The following UGT1A9 variants were observed in gnomAD, a reference collection of about 807,000 sequenced individuals.
UGT1A9 encodes UDP-glucuronosyltransferase 1A9.
In UGT1A9, 35 loss-of-function variants were observed where a neutral mutation model predicts 45.0. The observed-to-expected ratio is 0.78, with a 90% CI of 0.59 to 1.03. UGT1A9 has a LOEUF of 1.03. Among genes scored for constraint, UGT1A9 ranks in the 50% least tolerant of loss-of-function variants. The probability of loss-of-function intolerance (pLI) is 0.00; values close to 1 mark genes in which losing one functional copy is unlikely to be tolerated. For missense variants in UGT1A9, 687 were observed against 666.6 expected (o/e 1.03, Z -0.34); for synonymous variants, 278 against 250.6 (o/e 1.11, Z -1.03).
intron 1 of UGT1A9, among the ~76,000 whole-genome samples, chr2:233,758,456 A>T (rs1329200911): frequency 2.0e-5 from 3 of 152,254 alleles, no homozygotes; most frequent in Non-Finnish European, 4.4e-5. Flanking sequence ...TGGAAGAATT[A>T]TCACCCTTAA....
intron 1 of UGT1A9, among the ~76,000 whole-genome samples, chr2:233,687,899 C>T (rs2125538579): frequency 6.6e-6 from 1 of 152,174 alleles, no homozygotes; most frequent in Middle Eastern, 3.4e-3. Flanking sequence ...TAGACTAAGA[C>T]CTTGTCTCAA....
At chr2:233,695,806 G>A (rs1375966013) in intron 1 of UGT1A9, among the ~76,000 whole-genome samples, 3 of 152,098 alleles carry the variant, frequency 2.0e-5, no homozygotes, top group Non-Finnish European at 4.4e-5. Context: ...CTATCTGTGA[G>A]TGGAAAACAA....
In UGT1A9 at chr2:233,754,644, T is replaced by G. The variant is rs1255750118; in HGVS notation, c.856-12390T>G. 6 of 449,562 alleles carry G rather than the reference T, an allele frequency of 1.3e-5. No individual in the cohort carries two copies. In the Admixed American group the frequency reaches 1.5e-4, roughly 11 times the overall value. 27.8% of individuals were successfully genotyped at this position (449,562 alleles called of 1,614,324 possible). A position where few individuals can be genotyped will look rare whatever the true frequency, so the allele number is the denominator to read the frequency against. On this transcript the variant is annotated intron_variant, in intron 1 of 4. Coordinates refer to ENST00000354728, the MANE Select transcript of UGT1A9 (RefSeq NM_021027.3). ...CACTTCCACCCTTTCTTGGCCATTCTCAATGATTCTCTTGGTGGTGATTTT... is the reference window on the plus strand; with the variant it reads ...CACTTCCACCCTTTCTTGGCCATTCGCAATGATTCTCTTGGTGGTGATTTT...
intron 1 of UGT1A9, among the ~76,000 whole-genome samples, chr2:233,710,923 AGTCTTTGTTTAG>A (rs905733031): frequency 6.6e-6 from 1 of 152,240 alleles, no homozygotes; most frequent in African/African-American, 2.4e-5. Flanking sequence ...TAGACCACTT[AGTCTTTGTTTAG>A]GTCTTTGTTT....
intron 1 of UGT1A9, among the ~76,000 whole-genome samples, chr2:233,728,932 CTTTT>C (rs1221733039): frequency 0.032 from 4,912 of 152,202 alleles, 256 homozygotes; most frequent in African/African-American, 0.11. Context: ...CATGATCGGT[CTTTT>C]CCAGGGTGGG....
chr2:233,727,581 A>G (rs748727287), intron 1 of UGT1A9, among the ~76,000 whole-genome samples: 1 of 152,154 alleles, frequency 6.6e-6, no homozygotes, highest in African/African-American at 2.4e-5. Context: ...TAGGAAGCAT[A>G]TAGTTTTAAG....
chr2:233,680,763 A>C (rs931000603), intron 1 of UGT1A9, among the ~76,000 whole-genome samples: 8 of 152,166 alleles, frequency 5.3e-5, no homozygotes, highest in African/African-American at 1.9e-4. Flanking sequence ...AGATTCCTGA[A>C]GATGAGCACC....
chr2:233,746,259 AC>A (rs1176427332), intron 1 of UGT1A9, among the ~76,000 whole-genome samples: 1 of 151,746 alleles, frequency 6.6e-6, no homozygotes, highest in African/African-American at 2.4e-5. Context: ...GCAGAACAGA[AC>A]AAAACGCTGT....
intron 1 of UGT1A9, chr2:233,691,214 A>G (rs999693118): frequency 4.9e-5 from 48 of 985,374 alleles, no homozygotes; most frequent in Non-Finnish European, 5.7e-5. Flanking sequence ...TCCCTTTGCA[A>G]CCTTCCTGGA....
chr2:233,764,974 G>A (rs1027319616), intron 1 of UGT1A9, among the ~76,000 whole-genome samples: 4 of 152,116 alleles, frequency 2.6e-5, no homozygotes, highest in African/African-American at 9.7e-5. Flanking sequence ...GAGAAGGATG[G>A]TCAGTGTCTG....
intron 1 of UGT1A9, among the ~76,000 whole-genome samples, chr2:233,680,021 CTCT>C (rs1421829975): frequency 2.6e-5 from 4 of 152,250 alleles, no homozygotes; most frequent in Admixed American, 2.6e-4. Flanking sequence ...TTCTCTCTCT[CTCT>C]TTTTTCTTTT....
In UGT1A9 at chr2:233,682,172, A is replaced by G. The variant is rs1163934109; in HGVS notation, c.855+9383A>G. On this transcript the variant is annotated intron_variant, in intron 1 of 4. Transcript: ENST00000354728. ...GAATTGCACAGTGAAGACTTACTCA[A>G]CCTCATACACTCTGGAGGATCAGGA... The G allele has an allele frequency of 6.2e-6, 10 of 1,614,058 alleles. No individual in the cohort carries two copies. The highest frequency in any genetic ancestry group is 3.3e-5 in the Admixed American group (2 of 60,006).
In UGT1A9 at chr2:233,754,557, G is replaced by A. The variant is rs1055714391; in HGVS notation, c.856-12477G>A. 5.9e-5 allele frequency: 23 copies of A among 390,464 alleles called. No individual in the cohort carries two copies. The Admixed American group carries it at 7.3e-4, about 12-fold the overall frequency. The allele number at this position is 390,464 out of a possible 1,614,324, so 24.2% of individuals were successfully genotyped here. A position where few individuals can be genotyped will look rare whatever the true frequency, so the allele number is the denominator to read the frequency against. On this transcript the variant is annotated intron_variant, in intron 1 of 4. Coordinates refer to ENST00000354728, the MANE Select transcript of UGT1A9 (RefSeq NM_021027.3). ...TGGACTGGAATTACTTGGTGTCAAT[G>A]GGGAGCAACTGCTCTATGCCGTTTA...
chr2:233,754,988 A>G (rs756949361), intron 1 of UGT1A9: 25 of 1,295,926 alleles, frequency 1.9e-5, no homozygotes, highest in African/African-American at 1.2e-4. Flanking sequence ...CGGCGGGGTC[A>G]CGGAAGCTGA....
intron 1 of UGT1A9, among the ~76,000 whole-genome samples, chr2:233,678,206 G>A (rs1381812720): frequency 2.6e-5 from 4 of 152,162 alleles, no homozygotes; most frequent in Non-Finnish European, 5.9e-5. Context: ...AAACTATTGG[G>A]TACTATGCTC....
At chr2:233,690,793 A>G in intron 1 of UGT1A9, 2 of 1,142,860 alleles carry the variant, frequency 1.7e-6, no homozygotes, top group Non-Finnish European at 2.2e-6. Flanking sequence ...ACACACACAC[A>G]CACACACCAT....
chr2:233,702,281 T>C (rs950915205), intron 1 of UGT1A9, among the ~76,000 whole-genome samples: 3 of 152,228 alleles, frequency 2.0e-5, no homozygotes, highest in African/African-American at 7.2e-5. Context: ...TTTTTCCCTT[T>C]AGCATAAAGA....
intron 1 of UGT1A9, chr2:233,693,432 A>G: frequency 1.2e-6 from 2 of 1,614,148 alleles, no homozygotes; most frequent in Non-Finnish European, 1.7e-6. Flanking sequence ...AAGGAGAGCA[A>G]GTTTGATGCT....
chr2:233,725,175 TG>T (rs1374547834), intron 1 of UGT1A9, among the ~76,000 whole-genome samples: 1 of 81,962 alleles, frequency 1.2e-5, no homozygotes, highest in Non-Finnish European at 2.2e-5. Context: ...AGGGAGACCG[TG>T]GGGAGAGGCA....
Sources: gnomAD v4.1 joint callset for allele counts (sites outside exome capture counted in the v4.1 genomes callset) on GRCh38, gnomAD v4.1.1 for gene constraint, MANE v1.5 for transcripts, NCBI Gene and HGNC (gene_info 2026-07-23, HGNC 2026-07-21) for gene names.